MMP26: variants seen among roughly 807,000 people sequenced by gnomAD.
MMP26 encodes matrix metallopeptidase 26.
In MMP26, 33 loss-of-function variants were observed where a neutral mutation model predicts 31.0. That is an observed-to-expected ratio of 1.06 (90% CI 0.81 to 1.42). MMP26 has a LOEUF of 1.42. Among genes scored for constraint, MMP26 ranks in the 40% most tolerant of loss-of-function variants. The probability of loss-of-function intolerance (pLI) is 0.00; values close to 1 mark genes in which losing one functional copy is unlikely to be tolerated. For synonymous variants in MMP26, 122 were observed against 114.9 expected, an observed-to-expected ratio of 1.06 and a Z score of -0.40; for missense variants, 347 against 316.1, an observed-to-expected ratio of 1.10 and a Z score of -0.74.
At chr11:4,848,518 C>A (rs751099845) in intron 2 of MMP26, 2 of 1,613,434 alleles carry the variant, frequency 1.2e-6, no homozygotes, top group South Asian at 2.2e-5. Flanking sequence ...CCTTGCAACA[C>A]CTTGCCAATC....
At chr11:4,809,664 A>G (rs74775800) in intron 2 of MMP26, among the ~76,000 whole-genome samples, 4,182 of 152,300 alleles carry the variant, frequency 0.027, 90 homozygotes, top group Non-Finnish European at 0.039. Flanking sequence ...GCCACCTCTT[A>G]TGGAAATGTT....
intron 2 of MMP26, among the ~76,000 whole-genome samples, chr11:4,861,095 T>C (rs2133513550): frequency 6.7e-6 from 1 of 149,506 alleles, no homozygotes; most frequent in East Asian, 2.0e-4. Context: ...CTTCCATATA[T>C]ATCATATATA....
At chr11:4,879,921 TGA>T (rs1850434658) in intron 2 of MMP26, among the ~76,000 whole-genome samples, 1 of 152,172 alleles carries the variant, frequency 6.6e-6, no homozygotes, top group Non-Finnish European at 1.5e-5. Context: ...CCTTCCTGGC[TGA>T]GATTCCTTAG....
At chr11:4,804,533 C>A (rs1010824146) in intron 2 of MMP26, 1 of 785,890 alleles carries the variant, frequency 1.3e-6, no homozygotes, top group Non-Finnish European at 2.4e-6. Flanking sequence ...ATAATTTCAA[C>A]TGTTTTAATA....
chr11:4,834,542 G>A (rs903191702), intron 2 of MMP26, among the ~76,000 whole-genome samples: 2 of 152,276 alleles, frequency 1.3e-5, no homozygotes, highest in East Asian at 1.9e-4. Flanking sequence ...TAGGAATTTA[G>A]AAGCTAACCC....
At chr11:4,796,345 T>C (rs1052424515) in intron 2 of MMP26, among the ~76,000 whole-genome samples, 2 of 152,260 alleles carry the variant, frequency 1.3e-5, no homozygotes, top group Non-Finnish European at 2.9e-5. Flanking sequence ...GATCCTCAGA[T>C]AGAATTGCCT....
At position 4,988,196 on chromosome 11, in the gene MMP26, C is replaced by T; in HGVS notation, c.-16C>T. Reference sequence around the variant, plus strand: ...GTGTACCTGAATTCAAGCAGTGGGACAAATGAGGGTTTGGCATGCAGCTCG... The same window carrying T: ...GTGTACCTGAATTCAAGCAGTGGGATAAATGAGGGTTTGGCATGCAGCTCG... On this transcript the variant is annotated 5_prime_UTR_variant, in exon 3 of 8. Transcript: ENST00000380390. 1 of 1,612,636 alleles carries T rather than the reference C, an allele frequency of 6.2e-7. No individual in the cohort carries two copies. The highest frequency in any genetic ancestry group is 8.5e-7 in the Non-Finnish European group (1 of 1,178,728).
chr11:4,895,754 T>C (rs879197129), intron 2 of MMP26, among the ~76,000 whole-genome samples: 2 of 152,140 alleles, frequency 1.3e-5, no homozygotes, highest in African/African-American at 4.8e-5. Flanking sequence ...GGAGACCCTA[T>C]CTCTACAAGA....
intron 1 of MMP26, among the ~76,000 whole-genome samples, chr11:4,716,435 G>A (rs1847930615): frequency 1.3e-5 from 2 of 152,072 alleles, no homozygotes; most frequent in South Asian, 4.1e-4. Context: ...ATGAGGGAGG[G>A]AAATGAGGAT....
At chr11:4,826,053 G>A (rs1412909081) in intron 2 of MMP26, among the ~76,000 whole-genome samples, 1 of 152,084 alleles carries the variant, frequency 6.6e-6, no homozygotes, top group Non-Finnish European at 1.5e-5. Context: ...CCCAAGCACT[G>A]GGATAAAGCA....
chr11:4,946,072 A>G, intron 2 of MMP26: 1 of 1,207,412 alleles, frequency 8.3e-7, no homozygotes, highest in Non-Finnish European at 1.2e-6. Flanking sequence ...ATATGTGTTG[A>G]TAATTCTTGG....
At chr11:4,964,022 A>T (rs1252464993) in intron 2 of MMP26, among the ~76,000 whole-genome samples, 1 of 152,042 alleles carries the variant, frequency 6.6e-6, no homozygotes, top group Admixed American at 6.6e-5. Flanking sequence ...TTTTTGCCAG[A>T]TGGTCAGATT....
At chr11:4,777,222 C>T (rs141857517) in intron 2 of MMP26, among the ~76,000 whole-genome samples, 9 of 152,174 alleles carry the variant, frequency 5.9e-5, no homozygotes, top group Admixed American at 4.6e-4. Context: ...GATTTGGTCC[C>T]CTCTAGCTAC....
At chr11:4,989,091 C>A (rs747685147) in intron 3 of MMP26, among the ~76,000 whole-genome samples, 13 of 152,304 alleles carry the variant, frequency 8.5e-5, no homozygotes, top group Non-Finnish European at 1.6e-4. Flanking sequence ...AGCCTAATTA[C>A]AATACAATGT....
intron 2 of MMP26, among the ~76,000 whole-genome samples, chr11:4,864,970 T>C (rs1310993808): frequency 6.6e-6 from 1 of 152,130 alleles, no homozygotes; most frequent in Non-Finnish European, 1.5e-5. Context: ...ACAGTTTTAA[T>C]TTTTTCAGCT....
At chr11:4,735,587 T>G (rs916090950) in intron 1 of MMP26, among the ~76,000 whole-genome samples, 16 of 152,198 alleles carry the variant, frequency 1.1e-4, no homozygotes, top group Non-Finnish European at 1.9e-4. Context: ...ACATATTACA[T>G]AGTAATCAGA....
chr11:4,991,258 C>A, intron 5 of MMP26, 113 bp from the exon 6 acceptor site: 3 of 1,307,162 alleles, frequency 2.3e-6, no homozygotes, highest in East Asian at 2.4e-5. Context: ...TCTCACATCC[C>A]CCAGTGGTAG....
intron 2 of MMP26, chr11:4,946,059 A>G: frequency 8.8e-7 from 1 of 1,133,780 alleles, no homozygotes. Context: ...GACAACAACA[A>G]AAATATGTGT....
chr11:4,812,909 T>A (rs997227222), intron 2 of MMP26, among the ~76,000 whole-genome samples: 1 of 152,128 alleles, frequency 6.6e-6, no homozygotes, highest in Admixed American at 6.5e-5. Flanking sequence ...AACTTTTTCC[T>A]TTTGGCATAG....
Sources: allele counts gnomAD v4.1 joint callset (sites outside exome capture counted in the v4.1 genomes callset), GRCh38; gene constraint gnomAD v4.1.1; transcripts MANE v1.5; gene names NCBI Gene and HGNC (gene_info 2026-07-23, HGNC 2026-07-21).